The following CSMD3 variants were observed in gnomAD, a reference collection of about 807,000 sequenced individuals.
CSMD3 encodes the protein CUB and Sushi multiple domains 3, also known as CUB and sushi domain-containing protein 3.
Under a neutral mutation model 435.2 loss-of-function variants are expected in CSMD3, and 177 were observed. The observed-to-expected ratio is 0.41, with a 90% CI of 0.36 to 0.46. The LOEUF is 0.46. Among genes scored for constraint, CSMD3 ranks in the 20% least tolerant of loss-of-function variants. The pLI is 0.34. For missense variants in CSMD3, 4,265 were observed against 4,504.6 expected, an observed-to-expected ratio of 0.95 and a Z score of 1.52; for synonymous variants, 1,656 against 1,520.5, an observed-to-expected ratio of 1.09 and a Z score of -2.07.
At chr8:113,132,391 G>A (rs1564350398) in intron 4 of CSMD3, among the ~76,000 whole-genome samples, 1 of 152,106 alleles carries the variant, frequency 6.6e-6, no homozygotes, top group African/African-American at 2.4e-5. Context: ...GGCCTGGTGG[G>A]AGATGATTGG....
chr8:112,544,841 T>C (rs2131157169), intron 27 of CSMD3, among the ~76,000 whole-genome samples: 1 of 152,340 alleles, frequency 6.6e-6, no homozygotes, highest in Non-Finnish European at 1.5e-5. Flanking sequence ...GAATGTTCAG[T>C]ACAAACTTTT....
At chr8:112,647,421 C>A (rs141794956) in intron 19 of CSMD3, among the ~76,000 whole-genome samples, 1,776 of 152,044 alleles carry the variant, frequency 0.012, 32 homozygotes, top group African/African-American at 0.04. Context: ...CCTGCCTCAG[C>A]CCCTCCACCG....
At chr8:112,227,017 T>A (rs1408198283) in intron 70 of CSMD3, among the ~76,000 whole-genome samples, 2 of 152,206 alleles carry the variant, frequency 1.3e-5, no homozygotes, top group African/African-American at 4.8e-5. Context: ...CCTTGATGGT[T>A]ACTCAGTAAA....
chr8:112,728,803 G>A (rs1394994056), intron 13 of CSMD3, among the ~76,000 whole-genome samples: 1 of 151,984 alleles, frequency 6.6e-6, no homozygotes, highest in Non-Finnish European at 1.5e-5. Context: ...TTCTGCTTCT[G>A]ATATTTGTTT....
chr8:112,277,434 T>C (rs1232324422), intron 59 of CSMD3, among the ~76,000 whole-genome samples: 2 of 152,198 alleles, frequency 1.3e-5, no homozygotes, highest in Non-Finnish European at 2.9e-5. Flanking sequence ...CTGGATTTCA[T>C]TGTCCATATC....
intron 3 of CSMD3, among the ~76,000 whole-genome samples, chr8:113,198,244 A>C (rs1329370275): frequency 2.6e-5 from 4 of 151,320 alleles, no homozygotes; most frequent in African/African-American, 9.7e-5. Flanking sequence ...TGTAAACTGG[A>C]GATAATAACT....
chr8:112,978,703 C>A (rs145220275), intron 6 of CSMD3, among the ~76,000 whole-genome samples: 1 of 152,042 alleles, frequency 6.6e-6, no homozygotes, highest in African/African-American at 2.4e-5. Context: ...TGTATTCCAA[C>A]CAGGTATTTT....
intron 27 of CSMD3, among the ~76,000 whole-genome samples, chr8:112,523,031 G>C (rs1824464042): frequency 6.6e-6 from 1 of 151,774 alleles, no homozygotes; most frequent in African/African-American, 2.4e-5. Context: ...TGCTTTGCTT[G>C]GTATAACAAA....
At chr8:112,712,135 T>C (rs534409951) in intron 13 of CSMD3, among the ~76,000 whole-genome samples, 23 of 152,102 alleles carry the variant, frequency 1.5e-4, no homozygotes, top group Admixed American at 1.5e-3. Context: ...TCTCCTCCAG[T>C]GTTGTGCCAC....
At chr8:112,357,523 A>G (rs1352698885) in intron 38 of CSMD3, among the ~76,000 whole-genome samples, 2 of 152,232 alleles carry the variant, frequency 1.3e-5, no homozygotes, top group Admixed American at 6.5e-5. Context: ...CCCCAAGACA[A>G]TGGGGAAAAT....
chr8:112,249,611 A>G (rs1815081992), intron 63 of CSMD3, among the ~76,000 whole-genome samples: 1 of 152,124 alleles, frequency 6.6e-6, no homozygotes, highest in Admixed American at 6.6e-5. Context: ...TGACCTTATT[A>G]TTCACCCATT....
chr8:112,669,668 C>CCATT (rs2075611421), intron 16 of CSMD3, among the ~76,000 whole-genome samples: 2 of 152,142 alleles, frequency 1.3e-5, no homozygotes, highest in African/African-American at 4.8e-5. Context: ...TTTCAAAGTC[C>CCATT]CATTCATTCA....
intron 45 of CSMD3, among the ~76,000 whole-genome samples, chr8:112,323,941 T>C (rs1823248794): frequency 6.6e-6 from 1 of 152,072 alleles, no homozygotes; most frequent in Non-Finnish European, 1.5e-5. Context: ...GGTTGAATTA[T>C]TTGCCCTACT....
chr8:112,431,576 C>A (rs1244301675), intron 32 of CSMD3, among the ~76,000 whole-genome samples: 2 of 151,974 alleles, frequency 1.3e-5, no homozygotes, highest in Non-Finnish European at 2.9e-5. Context: ...TTAGAGAGGT[C>A]GAGCTTGAAC....
At chr8:112,667,005 T>C (rs1211041660) in intron 16 of CSMD3, among the ~76,000 whole-genome samples, 2 of 152,210 alleles carry the variant, frequency 1.3e-5, no homozygotes, top group East Asian at 1.9e-4. Context: ...ATCTCTTTTC[T>C]TTTTAATATC....
chr8:113,115,247 C>A (rs997524077), intron 4 of CSMD3, among the ~76,000 whole-genome samples: 2 of 152,224 alleles, frequency 1.3e-5, no homozygotes, highest in African/African-American at 4.8e-5. Context: ...TCTCACACTA[C>A]ATTAGCTGAC....
At chr8:112,584,834 T>C (rs1830598280) in intron 23 of CSMD3, among the ~76,000 whole-genome samples, 1 of 151,386 alleles carries the variant, frequency 6.6e-6, no homozygotes, top group African/African-American at 2.4e-5. Context: ...CTGACTCCAC[T>C]ATGTTCGATA....
At chr8:112,963,018 A>G (rs1488079703) in intron 7 of CSMD3, among the ~76,000 whole-genome samples, 1 of 152,010 alleles carries the variant, frequency 6.6e-6, no homozygotes, top group Non-Finnish European at 1.5e-5. Flanking sequence ...CTTTTGAAGC[A>G]GTAGACTCTA....
rs373693821 is a variant in CSMD3, at chr8:112,429,742, A to T, written c.5396-20710T>A. ...TTTACTAATATGCAGACAATTGATA[A>T]TTTAAAATGCTTATGATTAAAATAT... is the stretch of plus-strand genomic sequence containing the variant. On this transcript the variant is annotated intron_variant, in intron 32 of 70. Coordinates refer to ENST00000297405, the MANE Select transcript of CSMD3 (RefSeq NM_198123.2). Among the ~76,000 whole-genome samples the T allele has an allele frequency of 2.6e-5, 4 of 152,212 alleles. No homozygotes were observed. The East Asian group carries it at 5.8e-4, about 22-fold the overall frequency.
Sources: gnomAD v4.1 joint callset for allele counts (sites outside exome capture counted in the v4.1 genomes callset) on GRCh38, gnomAD v4.1.1 for gene constraint, MANE v1.5 for transcripts, NCBI Gene and HGNC (gene_info 2026-07-23, HGNC 2026-07-21) for gene names.